Variants in MAMDC2 observed in about 807,000 individuals in gnomAD.
The protein encoded by MAMDC2 is MAM domain containing 2.
A neutral mutation model predicts 89.8 loss-of-function variants in MAMDC2; 57 were observed. That is an observed-to-expected ratio of 0.63 (90% CI 0.51 to 0.79). The LOEUF (loss-of-function observed/expected upper bound fraction) is 0.79, where lower values mean the gene tolerates loss of function less well. MAMDC2 is among the 30% of genes least tolerant of loss of function. The pLI, the probability that MAMDC2 is intolerant of heterozygous loss-of-function variation, is 0.00. For missense variants in MAMDC2, 800 were observed against 820.6 expected, an observed-to-expected ratio of 0.97 and a Z score of 0.31; for synonymous variants, 313 against 293.4, an observed-to-expected ratio of 1.07 and a Z score of -0.68.
At chr9:70,163,826 C>T (rs1033534429) in intron 9 of MAMDC2, among the ~76,000 whole-genome samples, 45 of 151,454 alleles carry the variant, frequency 3.0e-4, no homozygotes, top group African/African-American at 9.7e-4. Flanking sequence ...TGGTGGTGCA[C>T]GCCTGTAGTT....
In MAMDC2 at chr9:70,148,259, A is replaced by G. The variant is rs2031469046; in HGVS notation, c.1404+4440A>G. On this transcript the variant is annotated intron_variant, in intron 9 of 13. Coordinates refer to ENST00000377182, the MANE Select transcript of MAMDC2 (RefSeq NM_153267.5). ...TTCTTATTTAGATCTCAGCTTAAAC[A>G]TCACTTCCTCAGAGAATCCTTCTCT... 1.3e-5 allele frequency among the ~76,000 whole-genome samples: 2 copies of G among 150,024 alleles called. 1 individual carries two copies. Among genetic ancestry groups the G allele is most frequent in the Non-Finnish European group, 3.0e-5 (2 of 67,444 alleles).
intron 11 of MAMDC2, among the ~76,000 whole-genome samples, chr9:70,181,563 C>G (rs2032646897): frequency 6.6e-6 from 1 of 151,988 alleles, no homozygotes. Flanking sequence ...TTGAAGAGGT[C>G]CTTCACATCC....
chr9:70,167,980 G>A (rs750776599), intron 9 of MAMDC2, among the ~76,000 whole-genome samples: 13 of 152,144 alleles, frequency 8.5e-5, no homozygotes, highest in Non-Finnish European at 1.6e-4. Flanking sequence ...AAAATCAATA[G>A]TGTTTGTACT....
chr9:70,139,522 G>T (rs1198194365), intron 7 of MAMDC2, among the ~76,000 whole-genome samples: 1 of 151,722 alleles, frequency 6.6e-6, no homozygotes, highest in African/African-American at 2.4e-5. Flanking sequence ...GTCTATCATT[G>T]TTGGACATTT....
chr9:70,180,590 T>C (rs527993668), intron 11 of MAMDC2, among the ~76,000 whole-genome samples: 1 of 152,380 alleles, frequency 6.6e-6, no homozygotes, highest in South Asian at 2.1e-4. Flanking sequence ...CATTGTGTTT[T>C]TGATTTGCAT....
intron 9 of MAMDC2, among the ~76,000 whole-genome samples, chr9:70,154,937 GC>G: frequency 6.6e-6 from 1 of 152,004 alleles, no homozygotes; most frequent in Middle Eastern, 3.4e-3. Flanking sequence ...AGTTTTACCA[GC>G]CCCCATGCAA....
rs73448659 is a variant in MAMDC2, at chr9:70,178,439, C to T, written c.1651+7808C>T. 3.5e-3 allele frequency among the ~76,000 whole-genome samples: 528 copies of T among 152,266 alleles called. 4 individuals carry two copies. Among genetic ancestry groups the T allele is most frequent in the African/African-American group, 0.011 (445 of 41,530 alleles). ...AGTGCCCCCATGACCCAAACATCTC[C>T]CATTAAGCCCTACCTTTCGACACCA... On this transcript the variant is annotated intron_variant, in intron 11 of 13. Transcript: ENST00000377182.
chr9:70,061,669 A>G (rs1315488772), intron 2 of MAMDC2, among the ~76,000 whole-genome samples: 1 of 152,238 alleles, frequency 6.6e-6, no homozygotes, highest in East Asian at 1.9e-4. Context: ...TACACTATTT[A>G]AAAACTCAAA....
At chr9:70,180,252 C>A (rs1431258064) in intron 11 of MAMDC2, among the ~76,000 whole-genome samples, 1 of 152,134 alleles carries the variant, frequency 6.6e-6, no homozygotes, top group Non-Finnish European at 1.5e-5. Flanking sequence ...TTTTCTTTAT[C>A]CAGTCTATCA....
At chr9:70,151,794 G>A (rs1311531603) in intron 9 of MAMDC2, among the ~76,000 whole-genome samples, 2 of 152,098 alleles carry the variant, frequency 1.3e-5, no homozygotes, top group African/African-American at 4.8e-5. Flanking sequence ...TGACATTTTA[G>A]AATGCAGTCT....
chr9:70,108,755 T>C (rs1013496823), intron 3 of MAMDC2, among the ~76,000 whole-genome samples: 2 of 152,204 alleles, frequency 1.3e-5, no homozygotes, highest in South Asian at 2.1e-4. Flanking sequence ...TCAATGAAAA[T>C]AGATTTTCTA....
Position 70,143,704 on chromosome 9 carries a change from T to C in MAMDC2, c.1289T>C (p.Val430Ala), listed in dbSNP as rs747934152. ...GFLKMSDTLA[V>A]YIFEENHVVQ... ...TTAAAAATGAGTGACACCCTAGCAG[T>C]TTACATCTTTGAAGAGAACCATGTG... The change falls in exon 9 of 14, where the codon GTT becomes GCT. Residue 430 changes from valine (V) to alanine (A), a missense_variant. Val to Ala is a moderately conservative substitution (Grantham distance 64). Transcript: ENST00000377182. The C allele has an allele frequency of 4.3e-6, 7 of 1,614,190 alleles. No homozygotes were observed. In the South Asian group the frequency reaches 7.7e-5, roughly 18 times the overall value.
At chr9:70,133,287 C>T (rs2030875111) in intron 7 of MAMDC2, among the ~76,000 whole-genome samples, 1 of 152,124 alleles carries the variant, frequency 6.6e-6, no homozygotes, top group East Asian at 1.9e-4. Flanking sequence ...AACTGAATCA[C>T]CCACAAGTAA....
At chr9:70,149,387 G>A (rs539971885) in intron 9 of MAMDC2, among the ~76,000 whole-genome samples, 1 of 152,194 alleles carries the variant, frequency 6.6e-6, no homozygotes, top group Middle Eastern at 3.4e-3. Flanking sequence ...GGATCAGGCA[G>A]GGGAAGCTGT....
At chr9:70,139,664 A>T (rs145492599) in intron 7 of MAMDC2, among the ~76,000 whole-genome samples, 8,237 of 152,188 alleles carry the variant, frequency 0.054, 246 homozygotes, top group South Asian at 0.073. Context: ...TCAATTGGTA[A>T]TTCTAGTTCT....
intron 11 of MAMDC2, chr9:70,217,247 G>C: frequency 1.1e-6 from 1 of 900,534 alleles, no homozygotes. Flanking sequence ...CCGGGACAGG[G>C]GAGGCACTAC....
At chr9:70,063,548 T>G (rs1827197068) in intron 2 of MAMDC2, among the ~76,000 whole-genome samples, 1 of 152,188 alleles carries the variant, frequency 6.6e-6, no homozygotes. Flanking sequence ...ATAAGAACGT[T>G]ATTTACTACT....
chr9:70,211,741 C>T (rs939036298), intron 11 of MAMDC2, among the ~76,000 whole-genome samples: 1 of 152,230 alleles, frequency 6.6e-6, no homozygotes, highest in Non-Finnish European at 1.5e-5. Context: ...GCTCTGGTTT[C>T]TCCCTATCTT....
At chr9:70,121,308 G>A (rs1440776908) in intron 5 of MAMDC2, among the ~76,000 whole-genome samples, 4 of 152,220 alleles carry the variant, frequency 2.6e-5, no homozygotes, top group Non-Finnish European at 4.4e-5. Context: ...AGGAGCAAGT[G>A]TGCATACACC....
Sources: gnomAD v4.1 joint callset for allele counts (sites outside exome capture counted in the v4.1 genomes callset) on GRCh38, gnomAD v4.1.1 for gene constraint, MANE v1.5 for transcripts, NCBI Gene and HGNC (gene_info 2026-07-23, HGNC 2026-07-21) for gene names.